TSHZ2: variants seen among roughly 807,000 people sequenced by gnomAD.
TSHZ2 encodes the protein teashirt zinc finger homeobox 2.
TSHZ2 carries 21 observed loss-of-function variants against 74.4 expected under a neutral mutation model. That is an observed-to-expected ratio of 0.28 (90% CI 0.20 to 0.41). The LOEUF (loss-of-function observed/expected upper bound fraction) is 0.41. Among genes scored for constraint, TSHZ2 ranks in the 10% least tolerant of loss-of-function variants. The pLI, the probability that TSHZ2 is intolerant of heterozygous loss-of-function variation, is 1.00. For missense variants in TSHZ2, 1,244 were observed against 1,293.5 expected (o/e 0.96, Z 0.59); for synonymous variants, 540 against 515.3 (o/e 1.05, Z -0.65).
intron 1 of TSHZ2, among the ~76,000 whole-genome samples, chr20:53,159,808 A>T (rs1987885328): frequency 1.3e-5 from 2 of 152,212 alleles, no homozygotes; most frequent in Non-Finnish European, 2.9e-5. Flanking sequence ...TATTTATTTA[A>T]TGTCTATACC....
At chr20:52,979,488 T>G (rs1483665606) in intron 1 of TSHZ2, among the ~76,000 whole-genome samples, 1 of 152,208 alleles carries the variant, frequency 6.6e-6, no homozygotes, top group Non-Finnish European at 1.5e-5. Flanking sequence ...TCCAAGGGTA[T>G]CAGACTGAGG....
At chr20:53,272,887 A>G (rs1990868313) in intron 2 of TSHZ2, among the ~76,000 whole-genome samples, 2 of 152,228 alleles carry the variant, frequency 1.3e-5, no homozygotes, top group Non-Finnish European at 2.9e-5. Context: ...ACATCTATTG[A>G]GCACATAAAT....
chr20:53,121,297 T>G lies in TSHZ2; in HGVS notation c.41-132202T>G, dbSNP rs528676880. Among the ~76,000 whole-genome samples the G allele has an allele frequency of 3.9e-5, 6 of 152,292 alleles. No homozygotes were observed. In the East Asian group the frequency reaches 1.2e-3, roughly 29 times the overall value. On this transcript the variant is annotated intron_variant, in intron 1 of 2. Transcript: ENST00000371497. ...ATACATGTCTCATTACTAAATCATC[T>G]TAAGGATTAAATTTAGGGTTACAAT...
At chr20:53,320,929 G>A (rs139379730) in intron 2 of TSHZ2, among the ~76,000 whole-genome samples, 82 of 152,308 alleles carry the variant, frequency 5.4e-4, no homozygotes, top group Non-Finnish European at 1.0e-3. Context: ...GAAGCAATTA[G>A]CTGGCCAGTG....
chr20:53,386,180 G>C (rs1395258686), intron 2 of TSHZ2, among the ~76,000 whole-genome samples: 1 of 152,196 alleles, frequency 6.6e-6, no homozygotes, highest in East Asian at 1.9e-4. Flanking sequence ...AACAAGCCCT[G>C]CTCAAGTATT....
At chr20:53,430,595 C>T (rs140928582) in intron 2 of TSHZ2, among the ~76,000 whole-genome samples, 2,246 of 151,834 alleles carry the variant, frequency 0.015, 62 homozygotes, top group African/African-American at 0.05. Flanking sequence ...TTTGGGAGGC[C>T]GAGGTGGGAG....
At chr20:53,434,625 G>A (rs1983973142) in intron 2 of TSHZ2, among the ~76,000 whole-genome samples, 1 of 152,184 alleles carries the variant, frequency 6.6e-6, no homozygotes, top group African/African-American at 2.4e-5. Flanking sequence ...TGGTTATCAG[G>A]GTCAGTTCTG....
At chr20:53,446,092 T>C (rs1415038915) in intron 2 of TSHZ2, among the ~76,000 whole-genome samples, 1 of 152,098 alleles carries the variant, frequency 6.6e-6, no homozygotes, top group Non-Finnish European at 1.5e-5. Context: ...TGTCCTCTCG[T>C]TTGGATTCTA....
At chr20:52,985,254 T>A (rs1394546305) in intron 1 of TSHZ2, among the ~76,000 whole-genome samples, 1 of 152,168 alleles carries the variant, frequency 6.6e-6, no homozygotes, top group African/African-American at 2.4e-5. Flanking sequence ...ATCTTTGCTT[T>A]CCCAGACTTT....
At chr20:53,023,134 A>G (rs1983307894) in intron 1 of TSHZ2, among the ~76,000 whole-genome samples, 1 of 152,166 alleles carries the variant, frequency 6.6e-6, no homozygotes, top group South Asian at 2.1e-4. Context: ...CCCAGGATGG[A>G]AGTCTTGCTT....
intron 1 of TSHZ2, among the ~76,000 whole-genome samples, chr20:53,190,546 C>T (rs1988714878): frequency 6.6e-6 from 1 of 152,142 alleles, no homozygotes; most frequent in Admixed American, 6.5e-5. Context: ...TCCAAACTGT[C>T]GAGACCTTTA....
intron 1 of TSHZ2, among the ~76,000 whole-genome samples, chr20:53,047,186 T>G (rs941253194): frequency 1.3e-5 from 2 of 152,264 alleles, no homozygotes; most frequent in African/African-American, 4.8e-5. Flanking sequence ...GTTTGGCTTC[T>G]GTAAAACAGA....
chr20:53,377,121 T>C (rs1568891179), intron 2 of TSHZ2, among the ~76,000 whole-genome samples: 1 of 152,182 alleles, frequency 6.6e-6, no homozygotes, highest in African/African-American at 2.4e-5. Flanking sequence ...AACTCAAACA[T>C]GTATAGTTTG....
intron 1 of TSHZ2, among the ~76,000 whole-genome samples, chr20:52,998,800 C>G (rs989599431): frequency 6.6e-6 from 1 of 152,178 alleles, no homozygotes; most frequent in East Asian, 1.9e-4. Flanking sequence ...GTTCAGTGAA[C>G]AGATGCGTGC....
chr20:53,171,204 A>G (rs1988193200), intron 1 of TSHZ2, among the ~76,000 whole-genome samples: 1 of 152,222 alleles, frequency 6.6e-6, no homozygotes, highest in African/African-American at 2.4e-5. Flanking sequence ...TGTGCTCTCA[A>G]GCGTGTCCCC....
intron 2 of TSHZ2, among the ~76,000 whole-genome samples, chr20:53,292,557 C>G (rs1305072170): frequency 6.6e-6 from 1 of 151,864 alleles, no homozygotes. Flanking sequence ...AAACCATCCT[C>G]CTGCCTCAGT....
At chr20:53,138,098 A>G (rs1467734722) in intron 1 of TSHZ2, among the ~76,000 whole-genome samples, 1 of 152,160 alleles carries the variant, frequency 6.6e-6, no homozygotes, top group Non-Finnish European at 1.5e-5. Context: ...TTCATATATC[A>G]GTGGCCGGGC....
chr20:53,370,943 A>G (rs770838424), intron 2 of TSHZ2, among the ~76,000 whole-genome samples: 21 of 152,304 alleles, frequency 1.4e-4, no homozygotes, highest in Admixed American at 3.3e-4. Flanking sequence ...ATCAAGGTGA[A>G]GGCAAGGCCA....
rs143750307 is a variant in TSHZ2 at position 53,113,867 on chromosome 20, T to G, written c.41-139632T>G. Among the ~76,000 whole-genome samples, 404 of 152,204 alleles carry G rather than the reference T, an allele frequency of 2.7e-3. 1 individual carries two copies. Among genetic ancestry groups the G allele is most frequent in the African/African-American group, 9.1e-3 (379 of 41,524 alleles). On this transcript the variant is annotated intron_variant, in intron 1 of 2. Coordinates refer to ENST00000371497, the MANE Select transcript of TSHZ2 (RefSeq NM_173485.6). The stretch of plus-strand genomic sequence containing the variant: ...AACTCCATAATGGGATCCAGAAGTG[T>G]ATGGATTATCTGGTTTTCACTCAGC...
Sources: gnomAD v4.1 joint callset for allele counts (sites outside exome capture counted in the v4.1 genomes callset) on GRCh38, gnomAD v4.1.1 for gene constraint, MANE v1.5 for transcripts, NCBI Gene and HGNC (gene_info 2026-07-23, HGNC 2026-07-21) for gene names.